GTF2H4: variants seen among roughly 807,000 people sequenced by gnomAD.
GTF2H4 encodes the protein BTF2 p52.
GTF2H4 carries 49 observed loss-of-function variants against 62.2 expected under a neutral mutation model. The observed-to-expected ratio is 0.79, with a 90% CI of 0.63 to 1.00. GTF2H4 has a LOEUF of 1.00. GTF2H4 is among the 50% of genes least tolerant of loss of function. The probability of loss-of-function intolerance (pLI) is 0.00; values close to 1 mark genes in which losing one functional copy is unlikely to be tolerated. For missense variants in GTF2H4, 479 were observed against 587.8 expected, an observed-to-expected ratio of 0.81 and a Z score of 1.91; for synonymous variants, 189 against 233.8, an observed-to-expected ratio of 0.81 and a Z score of 1.75.
rs780538834 is a variant in GTF2H4 at position 30,911,638 on chromosome 6, G to A, written c.742-46G>A. On this transcript the variant is annotated intron_variant, in intron 8 of 13. Transcript: ENST00000259895. The surrounding 1 kb of genome is among the most constrained non-coding windows in gnomAD (Gnocchi z 4.3). Reference sequence around the variant, plus strand: ...AGAATGAATGTATGGGGTTGGGGGTGGGTGGGTTGTGTTTTGGACCCCAGC... The same window carrying A: ...AGAATGAATGTATGGGGTTGGGGGTAGGTGGGTTGTGTTTTGGACCCCAGC... The A allele has an allele frequency of 3.2e-5, 47 of 1,450,384 alleles. 1 individual carries two copies. In the South Asian group the frequency reaches 3.6e-4, roughly 11 times the overall value. The allele number at this position is 1,450,384 out of a possible 1,614,324, so 89.8% of individuals were successfully genotyped here. A position where few individuals can be genotyped will look rare whatever the true frequency, so the allele number is the denominator to read the frequency against.
Position 30,910,075 on chromosome 6 carries a change from C to T in GTF2H4, c.374+12C>T. On this transcript the variant is annotated intron_variant, in intron 4 of 13. Transcript: ENST00000259895. The surrounding 1 kb of genome is among the most constrained non-coding windows in gnomAD (Gnocchi z 4.7). The stretch of plus-strand genomic sequence containing the variant: ...GCCCTTCTGGGTGGGTATGTCACTT[C>T]TCTCTCTTCCTAAGCTAGGGCAGGG... 2 of 1,611,246 alleles carry T rather than the reference C, an allele frequency of 1.2e-6. No individual in the cohort carries two copies. Among genetic ancestry groups the T allele is most frequent in the African/African-American group, 1.3e-5 (1 of 74,892 alleles).
At position 30,912,492 on chromosome 6, in the gene GTF2H4, C is replaced by G; in HGVS notation, c.1089+34C>G. 6.2e-7 allele frequency: 1 copy of G among 1,610,164 alleles called. No individual in the cohort carries two copies. Among genetic ancestry groups the G allele is most frequent in the Non-Finnish European group, 8.5e-7 (1 of 1,179,528 alleles). On this transcript the variant is annotated intron_variant, in intron 11 of 13. Coordinates refer to ENST00000259895, the MANE Select transcript of GTF2H4 (RefSeq NM_001517.5). This position sits in a 1 kb window ranked among gnomAD's most constrained non-coding sequence, Gnocchi z 4.8. ...ACTTGGGAGAGGTGGAGCAGGAAGA[C>G]AGGCTGCACTTGGGCTGCGGGGGAC...
In GTF2H4 at chr6:30,913,409, A is replaced by G; in HGVS notation, c.1216+22A>G. The G allele has an allele frequency of 1.2e-6, 2 of 1,610,084 alleles. No homozygotes were observed. Among genetic ancestry groups the G allele is most frequent in the East Asian group, 4.5e-5 (2 of 44,868 alleles). ...GAGGGTGAGTAGCTTCTGGTGGCCAAGTCTTGGTCATTGGCCAGAGAAAGG... is the reference window on the plus strand; with the variant it reads ...GAGGGTGAGTAGCTTCTGGTGGCCAGGTCTTGGTCATTGGCCAGAGAAAGG... On this transcript the variant is annotated intron_variant, in intron 13 of 13. Transcript: ENST00000259895. This position sits in a 1 kb window ranked among gnomAD's most constrained non-coding sequence, Gnocchi z 4.2.
In GTF2H4 at chr6:30,910,780, GTGTGTCTCTGCT is replaced by G; in HGVS notation, c.471+24_471+35del. The G allele has an allele frequency of 6.2e-7, 1 of 1,606,324 alleles. No homozygotes were observed. Among genetic ancestry groups the G allele is most frequent in the African/African-American group, 1.3e-5 (1 of 74,874 alleles). ...ATGGGAGGTAAGCACTTGGGAGTGT[GTGTGTCTCTGCT>G]TGTGCTTCTACTTCCCATGGCCCTT... is the stretch of plus-strand genomic sequence containing the variant. On this transcript the variant is annotated intron_variant, in intron 5 of 13. Transcript: ENST00000259895. The surrounding 1 kb of genome is among the most constrained non-coding windows in gnomAD (Gnocchi z 4.7).
intron 1 of GTF2H4, among the ~76,000 whole-genome samples, 197 bp downstream of exon 1, chr6:30,908,600 C>A (rs1562434613): frequency 6.6e-6 from 1 of 151,978 alleles, no homozygotes; most frequent in Non-Finnish European, 1.5e-5. Flanking sequence ...AGGTTACCGC[C>A]GTACTTAGCA....
Position 30,911,705 on chromosome 6 carries a change from A to T in GTF2H4, c.763A>T (p.Ser255Cys). Reference protein sequence around the residue: ...LGKDYSVEGMSDSLLNFLQHL... With the variant: ...LGKDYSVEGMCDSLLNFLQHL... ...TCAGGATTACTCTGTGGAAGGTATGAGTGATTCTCTGTTGAACTTCCTGCA... is the reference window on the plus strand; with the variant it reads ...TCAGGATTACTCTGTGGAAGGTATGTGTGATTCTCTGTTGAACTTCCTGCA... Residue 255 changes from serine to cysteine, a missense_variant, in exon 9 of 14, where the codon AGT (serine) becomes TGT (cysteine). By Grantham distance (112) the Ser-to-Cys change is moderately radical. Coordinates refer to ENST00000259895, the MANE Select transcript of GTF2H4 (RefSeq NM_001517.5). The surrounding 1 kb of genome is among the most constrained non-coding windows in gnomAD (Gnocchi z 4.3). The T allele has an allele frequency of 6.2e-7, 1 of 1,612,886 alleles. No individual in the cohort carries two copies. The highest frequency in any genetic ancestry group is 8.5e-7 in the Non-Finnish European group (1 of 1,179,896).
rs369288997 is a variant in GTF2H4, at chr6:30,909,154, A to G, written c.118A>G (p.Thr40Ala). ...GGACCGATTGTATGGGCACCCTGCC[A>G]CATGTCTGGCTGTCTTCAGGTGAGA... The part of the protein sequence containing the change: ...VLDRLYGHPA[T>A]CLAVFRELPS... Residue 40 changes from threonine (T) to alanine (A), a missense_variant, in exon 2 of 14, where the codon ACA becomes GCA. Thr to Ala is a moderately conservative substitution (Grantham distance 58). Coordinates refer to ENST00000259895, the MANE Select transcript of GTF2H4 (RefSeq NM_001517.5). The surrounding 1 kb of genome is among the most constrained non-coding windows in gnomAD (Gnocchi z 4.3). The G allele has an allele frequency of 8.7e-6, 14 of 1,613,662 alleles. No individual in the cohort carries two copies. The highest frequency in any genetic ancestry group is 1.3e-5 in the African/African-American group (1 of 74,950).
chr6:30,913,802 C>T lies in GTF2H4; in HGVS notation c.1217-9C>T. On this transcript the variant is annotated splice_polypyrimidine_tract_variant and intron_variant, in intron 13 of 13. Coordinates refer to ENST00000259895, the MANE Select transcript of GTF2H4 (RefSeq NM_001517.5). This position sits in a 1 kb window ranked among gnomAD's most constrained non-coding sequence, Gnocchi z 4.2. ...TCTCCCCGCGCCCCTCCCGTCCTGC[C>T]GACCCCAGGTGTCCTGTATAACCAG... The T allele has an allele frequency of 6.5e-7, 1 of 1,542,302 alleles. No individual in the cohort carries two copies. The highest frequency in any genetic ancestry group is 8.8e-7 in the Non-Finnish European group (1 of 1,141,094).
chr6:30,912,184 G>T lies in GTF2H4; in HGVS notation c.958+38G>T. ...AGAGGGCCCCTGGAAGAGGAGGTTG[G>T]GGGTGAGGGAATGCCAGTTTATGTT... On this transcript the variant is annotated intron_variant, in intron 10 of 13. Coordinates refer to ENST00000259895, the MANE Select transcript of GTF2H4 (RefSeq NM_001517.5). This position sits in a 1 kb window ranked among gnomAD's most constrained non-coding sequence, Gnocchi z 4.8. 2 of 1,611,064 alleles carry T rather than the reference G, an allele frequency of 1.2e-6. No individual in the cohort carries two copies. Among genetic ancestry groups the T allele is most frequent in the African/African-American group, 1.3e-5 (1 of 74,984 alleles).
rs766347908 is a variant in GTF2H4, at chr6:30,912,510, C to T, written c.1089+52C>T. On this transcript the variant is annotated intron_variant, in intron 11 of 13. Transcript: ENST00000259895. This position sits in a 1 kb window ranked among gnomAD's most constrained non-coding sequence, Gnocchi z 4.8. ...AGGAAGACAGGCTGCACTTGGGCTG[C>T]GGGGGACAGGGGTCACATTATGGAA... The T allele has an allele frequency of 8.1e-6, 13 of 1,604,444 alleles. No homozygotes were observed. The highest frequency in any genetic ancestry group is 2.2e-5 in the South Asian group (2 of 90,804).
chr6:30,913,801 C>A lies in GTF2H4; in HGVS notation c.1217-10C>A. On this transcript the variant is annotated splice_polypyrimidine_tract_variant and intron_variant, in intron 13 of 13. Coordinates refer to ENST00000259895, the MANE Select transcript of GTF2H4 (RefSeq NM_001517.5). The surrounding 1 kb of genome is among the most constrained non-coding windows in gnomAD (Gnocchi z 4.2). ...TTCTCCCCGCGCCCCTCCCGTCCTG[C>A]CGACCCCAGGTGTCCTGTATAACCA... 6.5e-7 allele frequency: 1 copy of A among 1,540,630 alleles called. No individual in the cohort carries two copies. The highest frequency in any genetic ancestry group is 8.8e-7 in the Non-Finnish European group (1 of 1,140,258).
Position 30,911,938 on chromosome 6 carries a change from G to T in GTF2H4, c.826-76G>T. ...GGGTTGAGGTTCTGCATCTTGGGAG[G>T]GATCTGATATTTCAGGCAGGAAGAT... is the stretch of plus-strand genomic sequence containing the variant. On this transcript the variant is annotated intron_variant, in intron 9 of 13. Transcript: ENST00000259895. This position sits in a 1 kb window ranked among gnomAD's most constrained non-coding sequence, Gnocchi z 4.3. The T allele has an allele frequency of 6.4e-7, 1 of 1,555,160 alleles. No homozygotes were observed.
rs371072213 is a variant in GTF2H4, at chr6:30,913,186, C to T, written c.1137+29C>T. ...TAGACAGGCTCCAAGATGTCAGAGG[C>T]TGGCAGCTGGTGATGACATGATGGA... On this transcript the variant is annotated intron_variant, in intron 12 of 13. Transcript: ENST00000259895. The surrounding 1 kb of genome is among the most constrained non-coding windows in gnomAD (Gnocchi z 4.2). The T allele has an allele frequency of 4.3e-6, 7 of 1,613,782 alleles. No homozygotes were observed. The highest frequency in any genetic ancestry group is 5.9e-6 in the Non-Finnish European group (7 of 1,179,814).
chr6:30,913,296 T>G lies in GTF2H4; in HGVS notation c.1138-13T>G. 1 of 1,613,956 alleles carries G rather than the reference T, an allele frequency of 6.2e-7. No individual in the cohort carries two copies. Among genetic ancestry groups the G allele is most frequent in the Non-Finnish European group, 8.5e-7 (1 of 1,179,978 alleles). Reference sequence around the variant, plus strand: ...TATTCTGAGTCCCTACAGTCAACCCTTGCTCCTTGCAGACACCTGTGCTGC... The same window carrying G: ...TATTCTGAGTCCCTACAGTCAACCCGTGCTCCTTGCAGACACCTGTGCTGC... On this transcript the variant is annotated splice_polypyrimidine_tract_variant and intron_variant, in intron 12 of 13. Coordinates refer to ENST00000259895, the MANE Select transcript of GTF2H4 (RefSeq NM_001517.5). The surrounding 1 kb of genome is among the most constrained non-coding windows in gnomAD (Gnocchi z 4.2).
rs1793907390 is a variant in GTF2H4 at position 30,913,504 on chromosome 6, T to C, written c.1216+117T>C. On this transcript the variant is annotated intron_variant, in intron 13 of 13. Coordinates refer to ENST00000259895, the MANE Select transcript of GTF2H4 (RefSeq NM_001517.5). The surrounding 1 kb of genome is among the most constrained non-coding windows in gnomAD (Gnocchi z 4.2). The stretch of plus-strand genomic sequence containing the variant: ...GAGAGAAAAGCTGGCAAGACAGTTT[T>C]TTGTTGTTTTGGGGTGAGTCGGTAG... The C allele has an allele frequency of 8.1e-7, 1 of 1,230,336 alleles. No individual in the cohort carries two copies. Among genetic ancestry groups the C allele is most frequent in the African/African-American group, 1.5e-5 (1 of 65,894 alleles). The allele number at this position is 1,230,336 out of a possible 1,614,324, so 76.2% of individuals were successfully genotyped here.
chr6:30,910,721 A>T lies in GTF2H4; in HGVS notation c.431A>T (p.Asp144Val). The T allele has an allele frequency of 6.2e-7, 1 of 1,613,026 alleles. No homozygotes were observed. The highest frequency in any genetic ancestry group is 8.5e-7 in the Non-Finnish European group (1 of 1,180,016). Residue 144 changes from aspartate to valine, a missense_variant, in exon 5 of 14, where the codon GAC (aspartate) becomes GTC (valine). By Grantham distance (152) the Asp-to-Val change is radical (BLOSUM62 -3). Coordinates refer to ENST00000259895, the MANE Select transcript of GTF2H4 (RefSeq NM_001517.5). The surrounding 1 kb of genome is among the most constrained non-coding windows in gnomAD (Gnocchi z 4.7). Reference sequence around the variant, plus strand: ...CTGGGACCAGACAAGCATGCCCGGGACGTTCCCTCCCTTGACAAGTACGCC... The same window carrying T: ...CTGGGACCAGACAAGCATGCCCGGGTCGTTCCCTCCCTTGACAAGTACGCC... ...SQLGPDKHAR[D>V]VPSLDKYAEE... is the part of the protein sequence containing the mutation.
In GTF2H4 at chr6:30,913,023, G is replaced by T; in HGVS notation, c.1090-87G>T. On this transcript the variant is annotated intron_variant, in intron 11 of 13. Coordinates refer to ENST00000259895, the MANE Select transcript of GTF2H4 (RefSeq NM_001517.5). The surrounding 1 kb of genome is among the most constrained non-coding windows in gnomAD (Gnocchi z 4.2). Reference sequence around the variant, plus strand: ...GAGTTATGAGTTTTTAGAATAAGCTGATGTTCCAGTGACATTAGGTGACAG... The same window carrying T: ...GAGTTATGAGTTTTTAGAATAAGCTTATGTTCCAGTGACATTAGGTGACAG... The T allele has an allele frequency of 7.6e-7, 1 of 1,311,900 alleles. No homozygotes were observed. The highest frequency in any genetic ancestry group is 1.2e-5 in the South Asian group (1 of 81,728). 81.3% of individuals were successfully genotyped at this position (1,311,900 alleles called of 1,614,324 possible). A position where few individuals can be genotyped will look rare whatever the true frequency, so the allele number is the denominator to read the frequency against.
rs190118452 is a variant in GTF2H4 at position 30,911,592 on chromosome 6, C to T, written c.742-92C>T. On this transcript the variant is annotated intron_variant, in intron 8 of 13. Coordinates refer to ENST00000259895, the MANE Select transcript of GTF2H4 (RefSeq NM_001517.5). The surrounding 1 kb of genome is among the most constrained non-coding windows in gnomAD (Gnocchi z 4.3). ...TGAGAAGATAAGAATGAAAACAGAA[C>T]GAACAGAGATGGAGAAAGAAAGAAT... 181 of 1,377,498 alleles carry T rather than the reference C, an allele frequency of 1.3e-4. No individual in the cohort carries two copies. In the African/African-American group the frequency reaches 2.4e-3, roughly 18 times the overall value. The allele number at this position is 1,377,498 out of a possible 1,614,324, so 85.3% of individuals were successfully genotyped here. A position where few individuals can be genotyped will look rare whatever the true frequency, so the allele number is the denominator to read the frequency against.
In GTF2H4 at chr6:30,913,722, C is replaced by T. The variant is rs1793919982; in HGVS notation, c.1217-89C>T. 10 of 1,287,976 alleles carry T rather than the reference C, an allele frequency of 7.8e-6. No homozygotes were observed. The highest frequency in any genetic ancestry group is 2.6e-5 in the East Asian group (1 of 38,196). 79.8% of individuals were successfully genotyped at this position (1,287,976 alleles called of 1,614,324 possible). A position where few individuals can be genotyped will look rare whatever the true frequency, so the allele number is the denominator to read the frequency against. Reference sequence around the variant, plus strand: ...AAGCCCAGACCGCGTCCAGGGCTGCCACCAAGGAGCTGGGGGGATTCCCAA... The same window carrying T: ...AAGCCCAGACCGCGTCCAGGGCTGCTACCAAGGAGCTGGGGGGATTCCCAA... On this transcript the variant is annotated intron_variant, in intron 13 of 13. Transcript: ENST00000259895. This position sits in a 1 kb window ranked among gnomAD's most constrained non-coding sequence, Gnocchi z 4.2.
Sources: gnomAD v4.1 joint callset for allele counts (sites outside exome capture counted in the v4.1 genomes callset) on GRCh38, gnomAD v4.1.1 for gene constraint, Gnocchi (gnomAD v3.1) non-coding constraint, MANE v1.5 for transcripts, NCBI Gene and HGNC (gene_info 2026-07-23, HGNC 2026-07-21) for gene names.